GSDME: variants seen among roughly 807,000 people sequenced by gnomAD.
GSDME encodes the protein gasdermin E.
A neutral mutation model predicts 47.5 loss-of-function variants in GSDME; 44 were observed. The observed-to-expected ratio is 0.93, with a 90% confidence interval of 0.73 to 1.19. The LOEUF (loss-of-function observed/expected upper bound fraction) is 1.19. Ranked by LOEUF, GSDME falls within the 50% of genes most tolerant of loss-of-function variation. The probability of loss-of-function intolerance (pLI) is 0.00; values close to 1 mark genes in which losing one functional copy is unlikely to be tolerated. For synonymous variants in GSDME, 258 were observed against 252.8 expected (o/e 1.02, Z -0.20); for missense variants, 663 against 604.2 (o/e 1.10, Z -1.02).
At chr7:24,761,657 G>A (rs907280475), upstream of GSDME, among the ~76,000 whole-genome samples, 3 of 152,218 alleles carry the variant, frequency 2.0e-5, no homozygotes, top group Admixed American at 2.0e-4. The surrounding 1 kb of genome is among the most constrained non-coding windows in gnomAD (Gnocchi z 4.4). Flanking sequence ...GGGATGCCTT[G>A]AGGGTGGGAC....
Position 24,710,205 on chromosome 7 carries a change from C to T in GSDME, c.862+19G>A. The T allele has an allele frequency of 6.2e-7, 1 of 1,612,746 alleles. No homozygotes were observed. Among genetic ancestry groups the T allele is most frequent in the Non-Finnish European group, 8.5e-7 (1 of 1,179,948 alleles). ...AGTTGGCCCTCAACTGCCCACTACT[C>T]CTGCCCTGCTGGCAATACCTTGCTT... On this transcript the variant is annotated intron_variant, in intron 6 of 9. Coordinates refer to ENST00000645220, the MANE Select transcript of GSDME (RefSeq NM_001127453.2).
rs11358953 is a variant in GSDME at position 24,726,805 on chromosome 7, CAAA to C, written c.405-7590_405-7588del. The stretch of plus-strand genomic sequence containing the variant: ...CGGGGGACAGAGCGAGACTCCGTCT[CAAA>C]AAAAAAAAAAAAAAACCAATGGCCT... On this transcript the variant is annotated intron_variant, in intron 3 of 9. Coordinates refer to ENST00000645220, the MANE Select transcript of GSDME (RefSeq NM_001127453.2). This position sits in a 1 kb window ranked among gnomAD's most constrained non-coding sequence, Gnocchi z 5.6. Among the ~76,000 whole-genome samples, 3,622 of 96,908 alleles carry C rather than the reference CAAA, an allele frequency of 0.037. 56 individuals are homozygous for C. Among genetic ancestry groups the C allele is most frequent in the Non-Finnish European group, 0.054 (2,402 of 44,112 alleles). The allele number at this position is 96,908 out of a possible 152,430, so 63.6% of individuals were successfully genotyped here. A position where few individuals can be genotyped will look rare whatever the true frequency, so the allele number is the denominator to read the frequency against.
chr7:24,719,005 G>A (rs1358746935), intron 4 of GSDME, 42 bp downstream of exon 4: 1 of 1,608,682 alleles, frequency 6.2e-7, no homozygotes, highest in South Asian at 1.1e-5. Context: ...AGGTCTCCAG[G>A]ACTGCTCAGC....
the GSDME span, among the ~76,000 whole-genome samples, chr7:24,785,049 A>G: frequency 6.6e-6 from 1 of 152,250 alleles, no homozygotes; most frequent in Non-Finnish European, 1.5e-5. Context: ...ACAGGCACCT[A>G]TAGACAGTGC....
rs1158389830 is a variant in GSDME, at chr7:24,728,133, C to T, written c.405-8915G>A. ...TATCAGGAATCGGGGGCAATTCTGG[C>T]CAATGAGACCTGAGGAAAATCTGTT... is the stretch of plus-strand genomic sequence containing the variant. On this transcript the variant is annotated intron_variant, in intron 3 of 9. Coordinates refer to ENST00000645220, the MANE Select transcript of GSDME (RefSeq NM_001127453.2). The surrounding 1 kb of genome is among the most constrained non-coding windows in gnomAD (Gnocchi z 7.2). Among the ~76,000 whole-genome samples the T allele has an allele frequency of 1.3e-5, 2 of 152,298 alleles. No individual in the cohort carries two copies. The highest frequency in any genetic ancestry group is 3.9e-4 in the East Asian group (2 of 5,184).
chr7:24,743,366 T>G (rs1790548432), intron 3 of GSDME, among the ~76,000 whole-genome samples: 3 of 152,316 alleles, frequency 2.0e-5, no homozygotes, highest in South Asian at 4.1e-4. Context: ...GAATTTTTGC[T>G]TTAAAAGACT....
chr7:24,784,804 C>G, the GSDME span, among the ~76,000 whole-genome samples: 1 of 152,038 alleles, frequency 6.6e-6, no homozygotes, highest in African/African-American at 2.4e-5. Context: ...AAGTGATCCA[C>G]CTGCCTTGGC....
At chr7:24,792,211 C>T in the GSDME span, among the ~76,000 whole-genome samples, 1 of 152,176 alleles carries the variant, frequency 6.6e-6, no homozygotes, top group Non-Finnish European at 1.5e-5. Context: ...TTGTTTTAAG[C>T]CTTTAACTTC....
At chr7:24,752,065 G>A (rs986407358) in intron 1 of GSDME, among the ~76,000 whole-genome samples, 31 of 152,194 alleles carry the variant, frequency 2.0e-4, no homozygotes, top group African/African-American at 7.5e-4. Context: ...CCAGGCAAAG[G>A]AGCACTATAT....
At chr7:24,703,108 T>G in intron 8 of GSDME, 1 of 381,046 alleles carries the variant, frequency 2.6e-6, no homozygotes, top group East Asian at 6.5e-5. Flanking sequence ...GCCCAGACTC[T>G]GGGGGAAGGA....
At chr7:24,710,176 G>T in intron 6 of GSDME, 48 bp downstream of exon 6, 9 of 1,596,960 alleles carry the variant, frequency 5.6e-6, no homozygotes, top group Non-Finnish European at 7.7e-6. Flanking sequence ...GGGATACAGG[G>T]CTCAGTTGGC....
Position 24,699,226 on chromosome 7 carries a change from G to C in GSDME, c.1291C>G (p.Leu431Val). Residue 431 changes from leucine to valine, a missense_variant, in exon 10 of 10, where the codon CTT becomes GTT. Coordinates refer to ENST00000645220, the MANE Select transcript of GSDME (RefSeq NM_001127453.2). ...RALSDDGVSDLEDPTLTPLKD... is the reference protein window; with the variant it reads ...RALSDDGVSDVEDPTLTPLKD... ...AGGGGAGTCAAGGTTGGGTCTTCAA[G>C]ATCAGATACTCCATCATCAGACAGA... The C allele has an allele frequency of 6.2e-7, 1 of 1,614,000 alleles. No individual in the cohort carries two copies. Among genetic ancestry groups the C allele is most frequent in the South Asian group, 1.1e-5 (1 of 91,068 alleles).
chr7:24,719,406 C>T (rs761312092), intron 3 of GSDME, among the ~76,000 whole-genome samples, 188 bp from the exon 4 acceptor site: 9 of 152,152 alleles, frequency 5.9e-5, no homozygotes, highest in Non-Finnish European at 1.2e-4. Flanking sequence ...GAGGCCACCT[C>T]AGAGCTGCCG....
intron 6 of GSDME, among the ~76,000 whole-genome samples, chr7:24,709,330 C>T (rs995441338): frequency 6.6e-6 from 1 of 152,234 alleles, no homozygotes; most frequent in Non-Finnish European, 1.5e-5. Flanking sequence ...TGCTGTGGTT[C>T]TAACCCACAA....
chr7:24,760,963 C>G (rs562955363), upstream of GSDME, among the ~76,000 whole-genome samples: 1 of 152,274 alleles, frequency 6.6e-6, no homozygotes, highest in South Asian at 2.1e-4. The surrounding 1 kb of genome is among the most constrained non-coding windows in gnomAD (Gnocchi z 4.2). Flanking sequence ...AATGATCAAC[C>G]AATATTGTCA....
At chr7:24,708,453 GGA>G (rs1170647194) in intron 6 of GSDME, among the ~76,000 whole-genome samples, 199 bp from the exon 7 acceptor site, 1 of 152,154 alleles carries the variant, frequency 6.6e-6, no homozygotes, top group African/African-American at 2.4e-5. Flanking sequence ...AAGGGAGGGA[GGA>G]GAGAGAGAGA....
chr7:24,779,938 C>T, the GSDME span, among the ~76,000 whole-genome samples: 2 of 152,248 alleles, frequency 1.3e-5, no homozygotes, highest in Non-Finnish European at 2.9e-5. This position sits in a 1 kb window ranked among gnomAD's most constrained non-coding sequence, Gnocchi z 6.0. Flanking sequence ...TTATCCCACG[C>T]CCATTCTGAA....
chr7:24,734,974 T>G (rs889931708), intron 3 of GSDME, among the ~76,000 whole-genome samples: 1 of 152,140 alleles, frequency 6.6e-6, no homozygotes, highest in Non-Finnish European at 1.5e-5. Flanking sequence ...CAGATTTAAC[T>G]GGAAGAAGAC....
chr7:24,795,063 G>A, the GSDME span, among the ~76,000 whole-genome samples: 42 of 152,342 alleles, frequency 2.8e-4, 1 homozygote, highest in South Asian at 8.1e-3. Flanking sequence ...CTCAGATGGA[G>A]TGGGCAAGTT....
Sources: allele counts gnomAD v4.1 joint callset (sites outside exome capture counted in the v4.1 genomes callset), GRCh38; gene constraint gnomAD v4.1.1; non-coding constraint Gnocchi (gnomAD v3.1); transcripts MANE v1.5; gene names NCBI Gene and HGNC (gene_info 2026-07-23, HGNC 2026-07-21).